The following CCDC88A variants were observed in gnomAD, a reference collection of about 807,000 sequenced individuals.
The protein encoded by CCDC88A is coiled-coil and HOOK domain protein 88A, also known as girdin.
A neutral mutation model predicts 234.3 loss-of-function variants in CCDC88A; 54 were observed. The observed-to-expected ratio is 0.23, with a 90% CI of 0.19 to 0.29. The LOEUF is 0.29. CCDC88A is among the 10% of genes least tolerant of loss of function. The pLI is 1.00. For synonymous variants in CCDC88A, 753 were observed against 737.8 expected (o/e 1.02, Z -0.33); for missense variants, 1,832 against 2,123.4 (o/e 0.86, Z 2.70).
At chr2:55,324,233 T>C (rs1683987748) in intron 17 of CCDC88A, 1 of 152,208 alleles carries the variant, frequency 6.6e-6, no homozygotes, top group Non-Finnish European at 1.5e-5. Flanking sequence ...GATAATGTCA[T>C]CTTTAAAAAC....
chr2:55,408,293 A>C (rs1015476548), intron 2 of CCDC88A, among the ~76,000 whole-genome samples: 1 of 151,964 alleles, frequency 6.6e-6, no homozygotes, highest in Non-Finnish European at 1.5e-5. Context: ...CTCTTCCTTC[A>C]TTCTTATTAC....
chr2:55,387,163 T>G (rs1225586100), intron 3 of CCDC88A, among the ~76,000 whole-genome samples: 1 of 110,366 alleles, frequency 9.1e-6, no homozygotes, highest in Non-Finnish European at 1.7e-5. Context: ...GGCAACAGAT[T>G]GAGATTCCAT....
chr2:55,319,924 C>A (rs1247885449), intron 18 of CCDC88A, among the ~76,000 whole-genome samples: 1 of 152,068 alleles, frequency 6.6e-6, no homozygotes, highest in Non-Finnish European at 1.5e-5. Context: ...AACTGAATCA[C>A]AATAGATCAC....
chr2:55,346,705 C>T (rs897700787), intron 9 of CCDC88A, among the ~76,000 whole-genome samples: 1 of 152,152 alleles, frequency 6.6e-6, no homozygotes, highest in African/African-American at 2.4e-5. Flanking sequence ...CAGGCGTAAG[C>T]CACCGCACTC....
At chr2:55,323,515 T>A (rs1030013715) in intron 17 of CCDC88A, 1 of 152,186 alleles carries the variant, frequency 6.6e-6, no homozygotes, top group Non-Finnish European at 1.5e-5. Flanking sequence ...ATCTAAGGGG[T>A]ACCCTATGAT....
chr2:55,353,028 T>C (rs1670101985), intron 8 of CCDC88A, among the ~76,000 whole-genome samples: 1 of 152,166 alleles, frequency 6.6e-6, no homozygotes, highest in Non-Finnish European at 1.5e-5. Context: ...AATGAAGATA[T>C]TAGATGGTAT....
chr2:55,388,833 G>A lies in CCDC88A; in HGVS notation c.218C>T (p.Ser73Leu), dbSNP rs780876612. 3 of 1,544,982 alleles carry A rather than the reference G, an allele frequency of 1.9e-6. No homozygotes were observed. Among genetic ancestry groups the A allele is most frequent in the Non-Finnish European group, 2.6e-6 (3 of 1,132,288 alleles). The change falls in exon 3 of 33, where the codon TCA becomes TTA. Residue 73 changes from serine (S) to leucine (L), a missense_variant. By Grantham distance (145) the Ser-to-Leu change is moderately radical (BLOSUM62 -2). Around this residue, in one of 6 missense-constraint regions of CCDC88A, gnomAD observed 84 missense variants for 80.9 expected, o/e 1.04. Transcript: ENST00000436346. The stretch of plus-strand genomic sequence containing the variant: ...AATGGATAGATTGTGCATTCTAAGT[G>A]AGGCATCATTATTGACTTTTTTATT... ...RVNKKVNNDA[S>L]LRMHNLSILV...
At position 55,374,284 on chromosome 2, in the gene CCDC88A, C is replaced by A. The variant is rs184761308; in HGVS notation, c.343+530G>T. 8.6e-4 allele frequency among the ~76,000 whole-genome samples: 131 copies of A among 152,228 alleles called. 1 individual carries two copies. The highest frequency in any genetic ancestry group is 3.2e-4 in the Non-Finnish European group (22 of 68,000). ...TTGGGAGGCTGAGGCAGGAGAATCGCTTGAACCCAGGAGGTTGAGGTTGCA... is the reference window on the plus strand; with the variant it reads ...TTGGGAGGCTGAGGCAGGAGAATCGATTGAACCCAGGAGGTTGAGGTTGCA... On this transcript the variant is annotated intron_variant, in intron 4 of 32. Coordinates refer to ENST00000436346, the MANE Select transcript of CCDC88A (RefSeq NM_001365480.1).
In CCDC88A at chr2:55,419,511, T is replaced by A; in HGVS notation, c.-432A>T. On this transcript the variant is annotated 5_prime_UTR_variant, in exon 1 of 33. Transcript: ENST00000436346. ...CGTTAAACAGAGACCACGTTAAGGA[T>A]ACCGAGGCGCCACCAGACTCGACCT... 1 of 163,000 alleles carries A rather than the reference T, an allele frequency of 6.1e-6. No homozygotes were observed. The highest frequency in any genetic ancestry group is 1.3e-5 in the Non-Finnish European group (1 of 74,736). 10.1% of individuals were successfully genotyped at this position (163,000 alleles called of 1,614,324 possible).
chr2:55,299,851 G>A lies in CCDC88A; in HGVS notation c.4813C>T (p.His1605Tyr). 15 of 1,609,430 alleles carry A rather than the reference G, an allele frequency of 9.3e-6. No individual in the cohort carries two copies. The highest frequency in any genetic ancestry group is 1.3e-5 in the Non-Finnish European group (15 of 1,175,880). ...ACCTACAGCATACCTTTGACTTCATGTAGTGAAGCATTATTATTGCTATTG... is the reference window on the plus strand; with the variant it reads ...ACCTACAGCATACCTTTGACTTCATATAGTGAAGCATTATTATTGCTATTG... ...TSNSNNNASLHEVKAGAVNNQ... is the reference protein window; with the variant it reads ...TSNSNNNASLYEVKAGAVNNQ... Residue 1605 changes from histidine to tyrosine, a missense_variant, in exon 29 of 33, where the codon CAT becomes TAT. His to Tyr is a moderately conservative substitution (Grantham distance 83). Around this residue, in one of 6 missense-constraint regions of CCDC88A, gnomAD observed 422 missense variants for 416.5 expected, o/e 1.01. Transcript: ENST00000436346.
At chr2:55,343,816 G>A in intron 11 of CCDC88A, 24 bp from the exon 12 acceptor site, 1 of 1,565,544 alleles carries the variant, frequency 6.4e-7, no homozygotes, top group Non-Finnish European at 8.6e-7. Context: ...AAGGATTAGG[G>A]AGAGAAAAAA....
intron 2 of CCDC88A, among the ~76,000 whole-genome samples, chr2:55,402,986 G>C (rs1401020613): frequency 2.0e-5 from 3 of 151,842 alleles, no homozygotes; most frequent in Admixed American, 1.3e-4. Flanking sequence ...TCCAGCCTGG[G>C]CAACTGAGCA....
intron 29 of CCDC88A, among the ~76,000 whole-genome samples, chr2:55,297,741 G>A (rs1158313011): frequency 6.6e-6 from 1 of 151,812 alleles, no homozygotes; most frequent in Non-Finnish European, 1.5e-5. Flanking sequence ...ATTTCAGTAT[G>A]TTAAGACCAA....
At chr2:55,301,557 G>A in intron 27 of CCDC88A, 1 of 510,714 alleles carries the variant, frequency 2.0e-6, no homozygotes. Context: ...AGGTAGTTCT[G>A]TTGGAAGTTG....
intron 7 of CCDC88A, among the ~76,000 whole-genome samples, chr2:55,359,565 C>T (rs1056091344): frequency 2.7e-5 from 4 of 150,710 alleles, no homozygotes; most frequent in South Asian, 2.1e-4. Flanking sequence ...TAACGAATTT[C>T]GTATGCCCCC....
chr2:55,291,647 C>T, intron 32 of CCDC88A, 29 bp downstream of exon 32: 7 of 1,022,376 alleles, frequency 6.8e-6, no homozygotes, highest in Non-Finnish European at 1.0e-5. Context: ...TGAGACTAAT[C>T]TCATTTACAT....
intron 2 of CCDC88A, chr2:55,417,798 A>G (rs922631876): frequency 9.9e-5 from 15 of 152,068 alleles, no homozygotes; most frequent in African/African-American, 3.4e-4. Context: ...TACAAAATTG[A>G]TAAGGTTATC....
chr2:55,387,593 C>G (rs182862631), intron 3 of CCDC88A, among the ~76,000 whole-genome samples: 3 of 151,866 alleles, frequency 2.0e-5, no homozygotes, highest in African/African-American at 7.2e-5. Context: ...ACCAGCCTAG[C>G]CAACATGGTG....
intron 2 of CCDC88A, among the ~76,000 whole-genome samples, chr2:55,400,070 C>A (rs978340730): frequency 2.0e-5 from 3 of 152,162 alleles, no homozygotes; most frequent in African/African-American, 7.2e-5. Context: ...TCACAGAATT[C>A]TCTAAAGAGA....
Sources: gnomAD v4.1 joint callset for allele counts (sites outside exome capture counted in the v4.1 genomes callset) on GRCh38, gnomAD v4.1.1 for gene constraint, gnomAD v4.1.1 regional missense constraint, MANE v1.5 for transcripts, NCBI Gene and HGNC (gene_info 2026-07-23, HGNC 2026-07-21) for gene names.